The following PLGRKT variants were observed in gnomAD, a reference collection of about 807,000 sequenced individuals.
The protein encoded by PLGRKT is plasminogen receptor (KT).
A neutral mutation model predicts 18.5 loss-of-function variants in PLGRKT; 22 were observed. That is an observed-to-expected ratio of 1.19 (90% CI 0.85 to 1.70). The LOEUF (loss-of-function observed/expected upper bound fraction) is 1.70, where lower values mean the gene tolerates loss of function less well. Among genes scored for constraint, PLGRKT ranks in the 40% most tolerant of loss-of-function variants. The pLI, the probability that PLGRKT is intolerant of heterozygous loss-of-function variation, is 0.00. For synonymous variants in PLGRKT, 72 were observed against 52.8 expected, an observed-to-expected ratio of 1.36 and a Z score of -1.58; for missense variants, 235 against 174.4, an observed-to-expected ratio of 1.35 and a Z score of -1.96.
At chr9:5,432,456 CTT>C (rs1315259480) in intron 2 of PLGRKT, among the ~76,000 whole-genome samples, 1 of 152,312 alleles carries the variant, frequency 6.6e-6, no homozygotes, top group East Asian at 1.9e-4. Flanking sequence ...TCTTTGTGCT[CTT>C]TGCATTTGCG....
intron 3 of PLGRKT, among the ~76,000 whole-genome samples, chr9:5,404,528 A>G (rs1207554606): frequency 1.3e-5 from 2 of 152,250 alleles, no homozygotes; most frequent in African/African-American, 4.8e-5. Flanking sequence ...GACAAAAACC[A>G]TATAATTATC....
At chr9:5,368,320 T>C (rs1257733515) in intron 3 of PLGRKT, among the ~76,000 whole-genome samples, 2 of 152,152 alleles carry the variant, frequency 1.3e-5, no homozygotes, top group East Asian at 3.8e-4. Flanking sequence ...AGCAAAGACA[T>C]GGAATCAACC....
rs3780391 is a variant in PLGRKT at position 5,428,768 on chromosome 9, G to C, written c.81+3129C>G. 3.2e-3 allele frequency among the ~76,000 whole-genome samples: 481 copies of C among 152,312 alleles called. 11 individuals are homozygous for C. The East Asian group carries it at 0.063, about 20-fold the overall frequency. On this transcript the variant is annotated intron_variant, in intron 3 of 5. Transcript: ENST00000223864. ...GCTGGAGTACAGTGGTATGATCACA[G>C]CTCACTGCAGCCTTGACCTTCCTGG...
chr9:5,403,431 G>C (rs1025789434), intron 3 of PLGRKT, among the ~76,000 whole-genome samples: 3 of 152,072 alleles, frequency 2.0e-5, no homozygotes, highest in Non-Finnish European at 4.4e-5. Flanking sequence ...CACCAAGTTA[G>C]CCAGGCTGGT....
chr9:5,411,955 T>C (rs1021875203), intron 3 of PLGRKT, among the ~76,000 whole-genome samples: 8 of 152,188 alleles, frequency 5.3e-5, no homozygotes, highest in African/African-American at 1.9e-4. Flanking sequence ...GGCATGTTGA[T>C]ACCAAAATTT....
chr9:5,422,988 C>T (rs377443553), intron 3 of PLGRKT, among the ~76,000 whole-genome samples: 90 of 152,164 alleles, frequency 5.9e-4, no homozygotes, highest in Admixed American at 9.2e-4. Flanking sequence ...AATATTTGCA[C>T]GTTTAAAATT....
chr9:5,430,310 G>C (rs1818796316), intron 3 of PLGRKT, among the ~76,000 whole-genome samples: 1 of 152,214 alleles, frequency 6.6e-6, no homozygotes, highest in South Asian at 2.1e-4. Flanking sequence ...AGTTTCCAAA[G>C]GTCTTTGACA....
At chr9:5,399,927 T>C (rs561154556) in intron 3 of PLGRKT, among the ~76,000 whole-genome samples, 2 of 151,770 alleles carry the variant, frequency 1.3e-5, no homozygotes, top group East Asian at 1.9e-4. Flanking sequence ...AAAGCAGAGG[T>C]TGCAGTGAGC....
Position 5,431,758 on chromosome 9 carries a change from C to G in PLGRKT, c.81+139G>C, listed in dbSNP as rs758150125. The G allele has an allele frequency of 3.3e-5, 19 of 581,778 alleles. No individual in the cohort carries two copies. In the Middle Eastern group the frequency reaches 1.1e-3, roughly 34 times the overall value. The allele number at this position is 581,778 out of a possible 1,614,324, so 36.0% of individuals were successfully genotyped here. On this transcript the variant is annotated intron_variant, in intron 3 of 5. Coordinates refer to ENST00000223864, the MANE Select transcript of PLGRKT (RefSeq NM_018465.4). ...GCCCATTCACCAGATAATTAGTAAG[C>G]CATTTTATCTTGGTTTTAAGGATGC... is the stretch of plus-strand genomic sequence containing the variant.
intron 3 of PLGRKT, among the ~76,000 whole-genome samples, chr9:5,425,447 G>T (rs1818678710): frequency 6.6e-6 from 1 of 152,102 alleles, no homozygotes; most frequent in African/African-American, 2.4e-5. Flanking sequence ...CATAAATTTG[G>T]TTAACCAGAC....
chr9:5,435,942 G>T (rs751330514), intron 2 of PLGRKT, among the ~76,000 whole-genome samples: 10 of 152,198 alleles, frequency 6.6e-5, no homozygotes, highest in Non-Finnish European at 1.5e-4. Flanking sequence ...TCTGATCAAG[G>T]ATACACCTGG....
chr9:5,409,402 G>C (rs774346202), intron 3 of PLGRKT, among the ~76,000 whole-genome samples: 4 of 152,350 alleles, frequency 2.6e-5, no homozygotes, highest in Non-Finnish European at 4.4e-5. Context: ...CGTGCTGGAT[G>C]CTTCCTGACC....
At chr9:5,433,135 G>A (rs564574979) in intron 2 of PLGRKT, among the ~76,000 whole-genome samples, 71 of 145,258 alleles carry the variant, frequency 4.9e-4, no homozygotes, top group African/African-American at 1.5e-3. Flanking sequence ...AGTGAGGAGC[G>A]CTTCTGCCTG....
rs9886674 is a variant in PLGRKT, at chr9:5,400,058, A to C, written c.81+31839T>G. 2.4e-3 allele frequency among the ~76,000 whole-genome samples: 369 copies of C among 152,054 alleles called. 10 individuals are homozygous for C. Among genetic ancestry groups the C allele is most frequent in the African/African-American group, 7.3e-3 (302 of 41,318 alleles). On this transcript the variant is annotated intron_variant, in intron 3 of 5. Coordinates refer to ENST00000223864, the MANE Select transcript of PLGRKT (RefSeq NM_018465.4). The stretch of plus-strand genomic sequence containing the variant: ...AATCAGCTCTTAAGGTGGTGGTAGT[A>C]ATTTTTATTGTTATATGTGCAAAAA...
In PLGRKT at chr9:5,361,836, A is replaced by G. The variant is rs760769389; in HGVS notation, c.134T>C (p.Met45Thr). 2 of 1,610,080 alleles carry G rather than the reference A, an allele frequency of 1.2e-6. No individual in the cohort carries two copies. The highest frequency in any genetic ancestry group is 2.2e-5 in the East Asian group (1 of 44,840). The stretch of plus-strand genomic sequence containing the variant: ...GAATTCCCGAGACCACGCAATCTGC[A>G]TGGCCATTTGTCTTTCCCTCATTTC... Reference protein sequence around the residue: ...QSEMRERQMAMQIAWSREFLK... With the variant: ...QSEMRERQMATQIAWSREFLK... The change falls in exon 4 of 6, where the codon ATG becomes ACG. Residue 45 changes from methionine to threonine, a missense_variant. Coordinates refer to ENST00000223864, the MANE Select transcript of PLGRKT (RefSeq NM_018465.4).
intron 3 of PLGRKT, among the ~76,000 whole-genome samples, chr9:5,425,667 T>C (rs1818683209): frequency 6.6e-6 from 1 of 152,126 alleles, no homozygotes. Context: ...ATAACAACTC[T>C]GTGAAGGTCT....
chr9:5,397,547 A>G (rs2131122158), intron 3 of PLGRKT, among the ~76,000 whole-genome samples: 1 of 150,960 alleles, frequency 6.6e-6, no homozygotes, highest in South Asian at 2.1e-4. Context: ...GAAGGAAGGA[A>G]GGAGGGAGGG....
intron 3 of PLGRKT, among the ~76,000 whole-genome samples, chr9:5,424,084 A>G (rs1297993496): frequency 7.4e-6 from 1 of 135,668 alleles, no homozygotes; most frequent in Non-Finnish European, 1.5e-5. Context: ...TATGTATAAT[A>G]TATAATATAT....
intron 3 of PLGRKT, among the ~76,000 whole-genome samples, chr9:5,403,723 T>C (rs1818201307): frequency 1.3e-5 from 2 of 152,236 alleles, no homozygotes; most frequent in South Asian, 4.1e-4. Flanking sequence ...GTGATGAGTA[T>C]GAAGGGGAGG....
Sources: allele counts gnomAD v4.1 joint callset (sites outside exome capture counted in the v4.1 genomes callset), GRCh38; gene constraint gnomAD v4.1.1; transcripts MANE v1.5; gene names NCBI Gene and HGNC (gene_info 2026-07-23, HGNC 2026-07-21).